The following ELF2 variants were observed in gnomAD, a reference collection of about 807,000 sequenced individuals.
ELF2 encodes ETS-related transcription factor Elf-2.
ELF2 carries 11 observed loss-of-function variants against 54.8 expected under a neutral mutation model. The observed-to-expected ratio is 0.20, with a 90% CI of 0.13 to 0.33. The LOEUF (loss-of-function observed/expected upper bound fraction) is 0.33. Ranked by LOEUF, ELF2 falls within the 10% of genes least tolerant of loss-of-function variation. The pLI, the probability that ELF2 is intolerant of heterozygous loss-of-function variation, is 1.00. For synonymous variants in ELF2, 203 were observed against 245.1 expected, an observed-to-expected ratio of 0.83 and a Z score of 1.61; for missense variants, 513 against 703.0, an observed-to-expected ratio of 0.73 and a Z score of 3.06.
chr4:139,128,169 G>T (rs1400734742), intron 3 of ELF2, among the ~76,000 whole-genome samples: 1 of 151,958 alleles, frequency 6.6e-6, no homozygotes, highest in African/African-American at 2.4e-5. Context: ...TAGCTACTTG[G>T]GAGGCTGAGG....
rs369620693 is a variant in ELF2, at chr4:139,138,057, A to G, written c.-166-190T>C. Among the ~76,000 whole-genome samples, 3 of 152,356 alleles carry G rather than the reference A, an allele frequency of 2.0e-5. No homozygotes were observed. In the South Asian group the frequency reaches 6.2e-4, roughly 32 times the overall value. ...AGAGTTAGTAATCAAGTTCATGAAC[A>G]TACTGAATTAAGTTCTTAACAAGCA... is the stretch of plus-strand genomic sequence containing the variant. On this transcript the variant is annotated intron_variant, in intron 2 of 9. Coordinates refer to ENST00000686138, the MANE Select transcript of ELF2 (RefSeq NM_001331036.3).
chr4:139,070,546 C>T (rs185533617), intron 6 of ELF2, among the ~76,000 whole-genome samples: 73 of 152,296 alleles, frequency 4.8e-4, no homozygotes, highest in Non-Finnish European at 9.3e-4. Flanking sequence ...CCACCTCAGA[C>T]CCCCAAAGTG....
chr4:139,105,407 T>C (rs1734319812), intron 4 of ELF2, among the ~76,000 whole-genome samples: 1 of 152,182 alleles, frequency 6.6e-6, no homozygotes, highest in African/African-American at 2.4e-5. Flanking sequence ...TAATGATGAA[T>C]AGTAATGATG....
chr4:139,059,194 C>G lies in ELF2; in HGVS notation c.1571G>C (p.Arg524Pro). The change falls in exon 10 of 10, where the codon CGA (arginine) becomes CCA (proline). Residue 524 changes from arginine (R) to proline (P), a missense_variant. Arg to Pro is a moderately radical substitution (Grantham distance 103). Coordinates refer to ENST00000686138, the MANE Select transcript of ELF2 (RefSeq NM_001331036.3). The part of the protein sequence containing the change: ...TQQASGQTPP[R>P]VISAVIKGPE... ...CCCCTTTATGACTGCACTGATAACT[C>G]GAGGAGGAGTCTGGCCAGATGCCTG... 3 of 1,613,896 alleles carry G rather than the reference C, an allele frequency of 1.9e-6. No individual in the cohort carries two copies. Among genetic ancestry groups the G allele is most frequent in the Non-Finnish European group, 2.5e-6 (3 of 1,179,852 alleles).
At chr4:139,089,124 A>G (rs561018194) in intron 4 of ELF2, among the ~76,000 whole-genome samples, 1 of 152,326 alleles carries the variant, frequency 6.6e-6, no homozygotes, top group African/African-American at 2.4e-5. Flanking sequence ...TTACTTTTTA[A>G]AAAATATATA....
intron 3 of ELF2, among the ~76,000 whole-genome samples, chr4:139,126,261 G>C (rs1736908669): frequency 6.6e-6 from 1 of 151,178 alleles, no homozygotes. Context: ...TAAAGCAATA[G>C]AAAACAGGAG....
At chr4:139,128,453 C>T (rs1276107642) in intron 3 of ELF2, among the ~76,000 whole-genome samples, 1 of 151,730 alleles carries the variant, frequency 6.6e-6, no homozygotes, top group East Asian at 1.9e-4. Flanking sequence ...AACTCCTTGA[C>T]TTATCTATAT....
chr4:139,117,662 A>G (rs1317605744), intron 4 of ELF2, among the ~76,000 whole-genome samples: 1 of 151,966 alleles, frequency 6.6e-6, no homozygotes, highest in Non-Finnish European at 1.5e-5. Context: ...AGCCTAGGCA[A>G]GAGAGTGAGC....
chr4:139,161,437 C>T (rs928037684), intron 1 of ELF2, among the ~76,000 whole-genome samples: 21 of 151,950 alleles, frequency 1.4e-4, no homozygotes, highest in African/African-American at 5.1e-4. Flanking sequence ...TTGTGAAGCT[C>T]TTTGATAAGA....
chr4:139,110,555 G>A (rs1734857838), intron 4 of ELF2, among the ~76,000 whole-genome samples: 1 of 152,096 alleles, frequency 6.6e-6, no homozygotes, highest in Non-Finnish European at 1.5e-5. Flanking sequence ...TCTCAGAATT[G>A]AAAATTATAA....
intron 4 of ELF2, among the ~76,000 whole-genome samples, chr4:139,121,300 G>A (rs1412742113): frequency 6.6e-6 from 1 of 150,748 alleles, no homozygotes; most frequent in African/African-American, 2.4e-5. Flanking sequence ...AGTAGAGACG[G>A]GGTTTCACCG....
chr4:139,131,374 A>G (rs909887177), intron 3 of ELF2, among the ~76,000 whole-genome samples: 2 of 152,224 alleles, frequency 1.3e-5, no homozygotes, highest in African/African-American at 4.8e-5. Context: ...AAGAGGCAAG[A>G]CAAGTGCAAT....
intron 1 of ELF2, among the ~76,000 whole-genome samples, chr4:139,176,475 G>A (rs992217356): frequency 6.6e-6 from 1 of 150,404 alleles, no homozygotes; most frequent in African/African-American, 2.4e-5. Context: ...CAGCCCCGGC[G>A]CCGGCCGCAG....
upstream of ELF2, among the ~76,000 whole-genome samples, chr4:139,177,700 T>C (rs1452694483): frequency 6.6e-6 from 1 of 151,160 alleles, no homozygotes; most frequent in Admixed American, 6.6e-5. Context: ...GCCCGCCGGC[T>C]TTCCCCCGCC....
At chr4:139,085,156 G>A (rs1373749193) in intron 4 of ELF2, among the ~76,000 whole-genome samples, 1 of 152,124 alleles carries the variant, frequency 6.6e-6, no homozygotes, top group Non-Finnish European at 1.5e-5. Context: ...AAATACAATG[G>A]ACAAGGGAGA....
At chr4:139,142,992 G>A (rs1473443942) in intron 1 of ELF2, among the ~76,000 whole-genome samples, 1 of 151,834 alleles carries the variant, frequency 6.6e-6, no homozygotes, top group Non-Finnish European at 1.5e-5. Flanking sequence ...AATCCAGGCT[G>A]GAGGATTCTC....
intron 4 of ELF2, among the ~76,000 whole-genome samples, chr4:139,085,438 G>T (rs557785021): frequency 6.6e-6 from 1 of 152,198 alleles, no homozygotes; most frequent in Admixed American, 6.5e-5. Flanking sequence ...CAATTTTTAT[G>T]ATCCGAATTG....
intron 4 of ELF2, chr4:139,084,210 C>T: frequency 6.2e-7 from 1 of 1,612,924 alleles, no homozygotes; most frequent in South Asian, 1.1e-5. Context: ...GGGGCTGGAG[C>T]TGCTGCTTCA....
Position 139,112,828 on chromosome 4 carries a change from G to C in ELF2, c.238+12336C>G, listed in dbSNP as rs112598665. 7.3e-3 allele frequency among the ~76,000 whole-genome samples: 1,113 copies of C among 152,162 alleles called. 20 individuals carry two copies. Among genetic ancestry groups the C allele is most frequent in the African/African-American group, 0.025 (1,050 of 41,458 alleles). ...TCTGAATCACTTGAACCAGGAGGCG[G>C]AAGTTTCAGGGAGCCAGAATTGCAC... On this transcript the variant is annotated intron_variant, in intron 4 of 9. Transcript: ENST00000686138.
Sources: gnomAD v4.1 joint callset for allele counts (sites outside exome capture counted in the v4.1 genomes callset) on GRCh38, gnomAD v4.1.1 for gene constraint, MANE v1.5 for transcripts, NCBI Gene and HGNC (gene_info 2026-07-23, HGNC 2026-07-21) for gene names.